MRPS5: variants seen among roughly 807,000 people sequenced by gnomAD.
MRPS5 encodes mitochondrial ribosomal protein S5, also known as small ribosomal subunit protein uS5m.
In MRPS5, 27 loss-of-function variants were observed where a neutral mutation model predicts 51.9. The observed-to-expected ratio is 0.52, with a 90% CI of 0.38 to 0.72. The LOEUF (loss-of-function observed/expected upper bound fraction) is 0.72. Among genes scored for constraint, MRPS5 ranks in the 30% least tolerant of loss-of-function variants. The pLI is 0.00. For missense variants in MRPS5, 570 were observed against 545.7 expected (o/e 1.04, Z -0.44); for synonymous variants, 196 against 193.2 (o/e 1.01, Z -0.12).
At position 95,085,915 on chromosome 2, in the gene MRPS5, A is replaced by AT. The variant is rs374342334; in HGVS notation, c.*1441dup. 0.036 allele frequency among the ~76,000 whole-genome samples: 5,175 copies of AT among 143,416 alleles called. 120 individuals are homozygous for AT. Among genetic ancestry groups the AT allele is most frequent in the Middle Eastern group, 0.095 (26 of 274 alleles). The allele number at this position is 143,416 out of a possible 152,430, so 94.1% of individuals were successfully genotyped here. On this transcript the variant is annotated 3_prime_UTR_variant, in exon 12 of 12. Transcript: ENST00000272418. ...ACACAGATGTTGAAACTTTATGACA[A>AT]TTTTTTTTTTTTTTTTGGAGACAAG... is the stretch of plus-strand genomic sequence containing the variant.
Sources: allele counts gnomAD v4.1 joint callset (sites outside exome capture counted in the v4.1 genomes callset), GRCh38; gene constraint gnomAD v4.1.1; transcripts MANE v1.5; gene names NCBI Gene and HGNC (gene_info 2026-07-23, HGNC 2026-07-21).